Variants in ADARB2 observed in about 807,000 individuals in gnomAD.
ADARB2 encodes inactive double-stranded RNA-specific editase B2.
Under a neutral mutation model 62.2 loss-of-function variants are expected in ADARB2, and 25 were observed. The observed-to-expected ratio is 0.40, with a 90% CI of 0.29 to 0.56. ADARB2 has a LOEUF of 0.56. Among genes scored for constraint, ADARB2 ranks in the 20% least tolerant of loss-of-function variants. ADARB2 has a pLI of 0.43. For missense variants in ADARB2, 1,071 were observed against 1,077.4 expected (o/e 0.99, Z 0.08); for synonymous variants, 572 against 500.8 (o/e 1.14, Z -1.90).
intron 1 of ADARB2, among the ~76,000 whole-genome samples, chr10:1,621,842 G>A (rs531490333): frequency 6.6e-6 from 1 of 152,014 alleles, no homozygotes; most frequent in East Asian, 1.9e-4. Context: ...CAAATCCCAG[G>A]ATTTTTTTTG....
chr10:1,431,871 C>A (rs1439522405), intron 1 of ADARB2, among the ~76,000 whole-genome samples: 1 of 152,024 alleles, frequency 6.6e-6, no homozygotes, highest in Non-Finnish European at 1.5e-5. Flanking sequence ...TTGTAGAAAA[C>A]CATAAACTGC....
chr10:1,504,588 G>A (rs147485375), intron 1 of ADARB2, among the ~76,000 whole-genome samples: 1 of 152,316 alleles, frequency 6.6e-6, no homozygotes, highest in East Asian at 1.9e-4. Flanking sequence ...AGCTCCTGCC[G>A]TGGTGGTGAA....
intron 2 of ADARB2, among the ~76,000 whole-genome samples, chr10:1,367,934 G>A (rs1339692035): frequency 1.3e-5 from 2 of 152,210 alleles, no homozygotes; most frequent in African/African-American, 4.8e-5. Context: ...TGGTATAAGA[G>A]CCTCTTTCAT....
At chr10:1,390,960 T>C (rs553946365) in intron 1 of ADARB2, among the ~76,000 whole-genome samples, 3 of 152,320 alleles carry the variant, frequency 2.0e-5, no homozygotes, top group South Asian at 4.1e-4. Flanking sequence ...AAACAGGATA[T>C]ACTAGGCCCT....
chr10:1,497,961 T>C (rs1831713642), intron 1 of ADARB2, among the ~76,000 whole-genome samples: 1 of 152,000 alleles, frequency 6.6e-6, no homozygotes, highest in Admixed American at 6.6e-5. Flanking sequence ...GTAGAGAAAA[T>C]GAACATTTCT....
intron 3 of ADARB2, among the ~76,000 whole-genome samples, chr10:1,321,142 T>C (rs1189645669): frequency 2.0e-5 from 3 of 152,176 alleles, no homozygotes; most frequent in Non-Finnish European, 4.4e-5. Flanking sequence ...ATCCATCCCA[T>C]TGGCTCTTTA....
intron 6 of ADARB2, among the ~76,000 whole-genome samples, chr10:1,229,272 G>A (rs553856128): frequency 6.6e-6 from 1 of 152,294 alleles, no homozygotes; most frequent in East Asian, 1.9e-4. Context: ...GGGCTGGATG[G>A]CAACCCCAGG....
At chr10:1,217,663 G>A (rs746240690) in intron 6 of ADARB2, among the ~76,000 whole-genome samples, 7 of 152,224 alleles carry the variant, frequency 4.6e-5, no homozygotes, top group Non-Finnish European at 1.0e-4. Flanking sequence ...TAAGCTGGCT[G>A]TGTAACCTTG....
chr10:1,543,793 G>A (rs1001009892), intron 1 of ADARB2, among the ~76,000 whole-genome samples: 5 of 152,118 alleles, frequency 3.3e-5, no homozygotes, highest in African/African-American at 1.2e-4. Context: ...GGCAGCGCTG[G>A]GCCCGCTTAT....
rs115040216 is a variant in ADARB2 at position 1,263,646 on chromosome 10, A to G, written c.1192+7309T>C. Among the ~76,000 whole-genome samples the G allele has an allele frequency of 3.6e-3, 543 of 152,244 alleles. 3 individuals carry two copies. The highest frequency in any genetic ancestry group is 0.011 in the African/African-American group (467 of 41,542). ...TACTAGACCTTGAGAGTGTAGCAAA[A>G]ATATTTATTTTCTCCTCCATTTCTC... On this transcript the variant is annotated intron_variant, in intron 4 of 9. Coordinates refer to ENST00000381312, the MANE Select transcript of ADARB2 (RefSeq NM_018702.4).
intron 1 of ADARB2, among the ~76,000 whole-genome samples, chr10:1,596,638 G>T (rs966526907): frequency 1.3e-5 from 2 of 152,204 alleles, no homozygotes; most frequent in African/African-American, 4.8e-5. Flanking sequence ...GGACCCGCTG[G>T]CTGAGTGGCT....
At chr10:1,214,192 G>T (rs1176482145) in intron 7 of ADARB2, among the ~76,000 whole-genome samples, 1 of 151,630 alleles carries the variant, frequency 6.6e-6, no homozygotes, top group East Asian at 2.0e-4. Flanking sequence ...TGCTGGCGTT[G>T]CATGGGTTTG....
chr10:1,287,563 G>T (rs888356090), intron 3 of ADARB2, among the ~76,000 whole-genome samples: 2 of 152,098 alleles, frequency 1.3e-5, no homozygotes, highest in South Asian at 2.1e-4. Context: ...CTCCATTTCC[G>T]TGAGAGTTCT....
Position 1,255,789 on chromosome 10 carries a change from A to G in ADARB2, c.1193-13490T>C, listed in dbSNP as rs1831074448. 6.6e-6 allele frequency among the ~76,000 whole-genome samples: 1 copy of G among 151,966 alleles called. No individual in the cohort carries two copies. Among genetic ancestry groups the G allele is most frequent in the Non-Finnish European group, 1.5e-5 (1 of 67,974 alleles). On this transcript the variant is annotated intron_variant, in intron 4 of 9. Transcript: ENST00000381312. The surrounding 1 kb of genome is among the most constrained non-coding windows in gnomAD (Gnocchi z 4.7). ...AGGGGATCCCTCCCAAACAGGTCACACGTGTGTCTGTGACTCATGGTGGGT... is the reference window on the plus strand; with the variant it reads ...AGGGGATCCCTCCCAAACAGGTCACGCGTGTGTCTGTGACTCATGGTGGGT...
intron 1 of ADARB2, among the ~76,000 whole-genome samples, chr10:1,508,774 C>A (rs972368173): frequency 5.9e-5 from 9 of 152,160 alleles, no homozygotes; most frequent in Non-Finnish European, 2.9e-5. Context: ...CAGAGCGAGA[C>A]TCCATCTCAA....
At chr10:1,610,250 C>A (rs1013204996) in intron 1 of ADARB2, among the ~76,000 whole-genome samples, 7 of 152,152 alleles carry the variant, frequency 4.6e-5, no homozygotes, top group Admixed American at 3.9e-4. Flanking sequence ...TTCTGCTGCT[C>A]GCCTCCAGCC....
intron 1 of ADARB2, among the ~76,000 whole-genome samples, chr10:1,555,625 A>G (rs1177496564): frequency 6.6e-6 from 1 of 152,096 alleles, no homozygotes. Flanking sequence ...TACAAGGCAG[A>G]GCTGAGGGCC....
chr10:1,456,655 G>A (rs527631415), intron 1 of ADARB2, among the ~76,000 whole-genome samples: 2 of 152,178 alleles, frequency 1.3e-5, no homozygotes, highest in Admixed American at 6.5e-5. Context: ...TGCTCGAGAC[G>A]CGCGGGGCGT....
intron 1 of ADARB2, among the ~76,000 whole-genome samples, chr10:1,616,931 A>G (rs1833643860): frequency 6.8e-6 from 1 of 147,468 alleles, no homozygotes; most frequent in Non-Finnish European, 1.5e-5. Flanking sequence ...GTCCAGACAC[A>G]CTCCGCACCA....
Sources: allele counts gnomAD v4.1 joint callset (sites outside exome capture counted in the v4.1 genomes callset), GRCh38; gene constraint gnomAD v4.1.1; non-coding constraint Gnocchi (gnomAD v3.1); transcripts MANE v1.5; gene names NCBI Gene and HGNC (gene_info 2026-07-23, HGNC 2026-07-21).